Variants in KRT79 observed in about 807,000 individuals in gnomAD.
KRT79 encodes keratin 79.
Under a neutral mutation model 49.0 loss-of-function variants are expected in KRT79, and 51 were observed. That is an observed-to-expected ratio of 1.04 (90% CI 0.83 to 1.31). KRT79 has a LOEUF of 1.31. Among genes scored for constraint, KRT79 ranks in the 40% most tolerant of loss-of-function variants. The pLI is 0.00. For missense variants in KRT79, 728 were observed against 688.0 expected, an observed-to-expected ratio of 1.06 and a Z score of -0.65; for synonymous variants, 312 against 286.6, an observed-to-expected ratio of 1.09 and a Z score of -0.90.
chr12:52,829,340 G>A (rs905028011), intron 4 of KRT79, among the ~76,000 whole-genome samples: 13 of 151,998 alleles, frequency 8.6e-5, no homozygotes, highest in African/African-American at 3.1e-4. Context: ...CTCATCCCTT[G>A]CTCCATTACA....
chr12:52,826,768 G>A (rs554238695), intron 4 of KRT79, among the ~76,000 whole-genome samples: 37 of 152,196 alleles, frequency 2.4e-4, no homozygotes, highest in African/African-American at 8.7e-4. Context: ...CCTGCCCTAT[G>A]AGACACCCAG....
At chr12:52,822,631 G>A (rs1026138728) in intron 7 of KRT79, among the ~76,000 whole-genome samples, 8 of 152,186 alleles carry the variant, frequency 5.3e-5, no homozygotes, top group African/African-American at 1.7e-4. Flanking sequence ...TGTGGGCTAC[G>A]GACAGCATCC....
At position 52,833,921 on chromosome 12, in the gene KRT79, T is replaced by TC. The variant is rs954629041; in HGVS notation, c.339dup (p.Ile114AspfsTer19). On this transcript the variant is annotated frameshift_variant, in exon 1 of 9. Transcript: ENST00000330553. LOFTEE classifies it high-confidence loss of function. ...CTCTGGTTGACAGTGACCTCCTGGA[T>TC]CCCCCCAGGAGGACAAGCAGGCCCA... 2 of 1,611,854 alleles carry TC rather than the reference T, an allele frequency of 1.2e-6. No individual in the cohort carries two copies. The highest frequency in any genetic ancestry group is 1.7e-6 in the Non-Finnish European group (2 of 1,178,818).
In KRT79 at chr12:52,827,188, TC is replaced by T. The variant is rs1940187337; in HGVS notation, c.856-2827del. 2.6e-5 allele frequency among the ~76,000 whole-genome samples: 4 copies of T among 151,514 alleles called. No homozygotes were observed. In the South Asian group the frequency reaches 6.3e-4, roughly 24 times the overall value. On this transcript the variant is annotated intron_variant, in intron 4 of 8. Coordinates refer to ENST00000330553, the MANE Select transcript of KRT79 (RefSeq NM_175834.3). The stretch of plus-strand genomic sequence containing the variant: ...ATCAAGATCCAACTCAGAAGTCACC[TC>T]CCTCGAAGGCTTCCGCAGCCCTCCC...
At chr12:52,831,038 A>G (rs1426989768) in intron 2 of KRT79, among the ~76,000 whole-genome samples, 1 of 152,278 alleles carries the variant, frequency 6.6e-6, no homozygotes, top group East Asian at 1.9e-4. Flanking sequence ...CTTCAAGACT[A>G]CAAGGGAATC....
Position 52,823,220 on chromosome 12 carries a change from G to A in KRT79, c.1163C>T (p.Thr388Met), listed in dbSNP as rs772320719. The A allele has an allele frequency of 2.3e-5, 37 of 1,613,994 alleles. No individual in the cohort carries two copies. Among genetic ancestry groups the A allele is most frequent in the Admixed American group, 1.7e-4 (10 of 59,994 alleles). ...ACGCTGCTCCGCTTCCGCAATGGCC[G>A]TCTGCAGCTGCTGACACTGCCCAGG... ...AAKKQCQQLQ[T>M]AIAEAEQRGE... Residue 388 changes from threonine to methionine, a missense_variant, in exon 7 of 9, where the codon ACG becomes ATG. Thr to Met is a moderately conservative substitution (Grantham distance 81). Transcript: ENST00000330553.
At chr12:52,829,279 T>TTTAA (rs1940216499) in intron 4 of KRT79, among the ~76,000 whole-genome samples, 1 of 152,146 alleles carries the variant, frequency 6.6e-6, no homozygotes, top group African/African-American at 2.4e-5. Flanking sequence ...ACGCCTCACC[T>TTTAA]TCTACTCCAA....
chr12:52,826,006 T>A (rs894928000), intron 4 of KRT79, among the ~76,000 whole-genome samples: 1 of 152,088 alleles, frequency 6.6e-6, no homozygotes, highest in Non-Finnish European at 1.5e-5. Flanking sequence ...AAGGTCTATT[T>A]GTCACAGATA....
chr12:52,824,422 A>G, intron 4 of KRT79, 60 bp from the exon 5 acceptor site: 1 of 1,559,972 alleles, frequency 6.4e-7, no homozygotes, highest in Non-Finnish European at 8.8e-7. Flanking sequence ...GAAGCATCAG[A>G]GGGTGAAGGA....
chr12:52,833,124 G>A (rs115113662), intron 1 of KRT79, among the ~76,000 whole-genome samples: 2,133 of 152,242 alleles, frequency 0.014, 48 homozygotes, highest in African/African-American at 0.049. Context: ...TTCAGGGCAT[G>A]CCTATGGGCA....
intron 2 of KRT79, 35 bp downstream of exon 2, chr12:52,831,371 C>T: frequency 6.3e-7 from 1 of 1,599,494 alleles, no homozygotes; most frequent in South Asian, 1.1e-5. Context: ...CCCCTCCTCA[C>T]TCCCACATGG....
At chr12:52,831,352 T>TTCCCACTGCCCCTCCTCAC (rs1940251196) in intron 2 of KRT79, 54 bp downstream of exon 2, 1 of 1,545,356 alleles carries the variant, frequency 6.5e-7, no homozygotes, top group African/African-American at 1.4e-5. Context: ...CTTGGCAGGT[T>TTCCCACTGCCCCTCCTCAC]TCCCACTGCC....
rs368095135 is a variant in KRT79, at chr12:52,823,966, C to A, written c.1067G>T (p.Arg356Leu). Reference sequence around the variant, plus strand: ...CTCAGCAATCTCGTTCTTGGTGTCCCGCAGGTTGTCCCCATGCTTCCCAGC... The same window carrying A: ...CTCAGCAATCTCGTTCTTGGTGTCCAGCAGGTTGTCCCCATGCTTCCCAGC... ...VTAGKHGDNL[R>L]DTKNEIAELT... The change falls in exon 6 of 9, where the codon CGG becomes CTG. Residue 356 changes from arginine to leucine, a missense_variant. Coordinates refer to ENST00000330553, the MANE Select transcript of KRT79 (RefSeq NM_175834.3). 2 of 1,614,124 alleles carry A rather than the reference C, an allele frequency of 1.2e-6. No individual in the cohort carries two copies. The highest frequency in any genetic ancestry group is 1.7e-6 in the Non-Finnish European group (2 of 1,180,028).
At chr12:52,829,604 A>C (rs1425024637) in intron 4 of KRT79, among the ~76,000 whole-genome samples, 1 of 152,244 alleles carries the variant, frequency 6.6e-6, no homozygotes, top group Non-Finnish European at 1.5e-5. Flanking sequence ...TATTAATTAA[A>C]GTGTCAAGGT....
At chr12:52,829,316 C>T (rs539243126) in intron 4 of KRT79, among the ~76,000 whole-genome samples, 2 of 152,298 alleles carry the variant, frequency 1.3e-5, no homozygotes, top group East Asian at 3.9e-4. Flanking sequence ...CTCCTCTCTG[C>T]CCATTCCTGC....
rs767781170 is a variant in KRT79, at chr12:52,831,585, C to T, written c.519G>A (p.Lys173=). ...LEQQNKVLET[K]WALLQEQGQN... is the part of the protein sequence containing the mutation. The stretch of plus-strand genomic sequence containing the variant: ...GGCCCTGCTCCTGCAGCAGTGCCCA[C>T]TTGGTCTCCAGCACCTTATTCTGTT... The change falls in exon 2 of 9, where the codon AAG becomes AAA. Residue 173 remains lysine, a synonymous_variant. Coordinates refer to ENST00000330553, the MANE Select transcript of KRT79 (RefSeq NM_175834.3). The T allele has an allele frequency of 1.2e-6, 2 of 1,614,260 alleles. No homozygotes were observed. The highest frequency in any genetic ancestry group is 2.2e-5 in the East Asian group (1 of 44,892).
At position 52,831,586 on chromosome 12, in the gene KRT79, T is replaced by C. The variant is rs576878482; in HGVS notation, c.518A>G (p.Lys173Arg). The change falls in exon 2 of 9, where the codon AAG becomes AGG. Residue 173 changes from lysine to arginine, a missense_variant. Transcript: ENST00000330553. ...LEQQNKVLETKWALLQEQGQN... is the reference protein window; with the variant it reads ...LEQQNKVLETRWALLQEQGQN... ...GCCCTGCTCCTGCAGCAGTGCCCAC[T>C]TGGTCTCCAGCACCTTATTCTGTTG... 6 of 1,614,244 alleles carry C rather than the reference T, an allele frequency of 3.7e-6. No homozygotes were observed. In the South Asian group the frequency reaches 6.6e-5, roughly 18 times the overall value.
chr12:52,831,836 T>A (rs1424776214), intron 1 of KRT79, among the ~76,000 whole-genome samples: 1 of 152,184 alleles, frequency 6.6e-6, no homozygotes, highest in Non-Finnish European at 1.5e-5. Flanking sequence ...ACCAAGTTAA[T>A]AAGCACAAAA....
intron 7 of KRT79, 39 bp downstream of exon 7, chr12:52,822,977 C>T: frequency 6.3e-7 from 1 of 1,597,634 alleles, no homozygotes; most frequent in South Asian, 1.1e-5. Context: ...CAGGGCAGGC[C>T]CGACCCAGCT....
Sources: allele counts gnomAD v4.1 joint callset (sites outside exome capture counted in the v4.1 genomes callset), GRCh38; gene constraint gnomAD v4.1.1; transcripts MANE v1.5; gene names NCBI Gene and HGNC (gene_info 2026-07-23, HGNC 2026-07-21).